TOX: variants seen among roughly 807,000 people sequenced by gnomAD.
TOX encodes the protein thymocyte selection associated high mobility group box.
TOX carries 11 observed loss-of-function variants against 53.7 expected under a neutral mutation model. The observed-to-expected ratio is 0.20, with a 90% CI of 0.13 to 0.34. The LOEUF is 0.34. TOX is among the 10% of genes least tolerant of loss of function. TOX has a pLI of 1.00. For synonymous variants in TOX, 225 were observed against 245.3 expected, an observed-to-expected ratio of 0.92 and a Z score of 0.77; for missense variants, 570 against 664.6, an observed-to-expected ratio of 0.86 and a Z score of 1.56.
At chr8:58,837,454 C>G (rs939565300) in intron 5 of TOX, among the ~76,000 whole-genome samples, 1 of 152,150 alleles carries the variant, frequency 6.6e-6, no homozygotes, top group Non-Finnish European at 1.5e-5. Flanking sequence ...TTAAGACCTT[C>G]TGAGCTATTT....
rs374428814 is a variant in TOX, at chr8:58,807,728, A to G, written c.*19T>C. ...CACTTCCCTGAATTCCTCAGTGGAA[A>G]GAAGAGGTGTTCAGATTCTCAAGTA... is the stretch of plus-strand genomic sequence containing the variant. On this transcript the variant is annotated 3_prime_UTR_variant, in exon 9 of 9. Coordinates refer to ENST00000361421, the MANE Select transcript of TOX (RefSeq NM_014729.3). 16 of 1,613,798 alleles carry G rather than the reference A, an allele frequency of 9.9e-6. No homozygotes were observed. The highest frequency in any genetic ancestry group is 8.8e-5 in the South Asian group (8 of 91,078).
intron 1 of TOX, among the ~76,000 whole-genome samples, chr8:59,026,045 G>A (rs1358650341): frequency 6.6e-6 from 1 of 152,188 alleles, no homozygotes; most frequent in African/African-American, 2.4e-5. Flanking sequence ...GCAAAAAAAT[G>A]AGACCAAGTT....
chr8:59,066,688 G>A (rs1231183793), intron 1 of TOX, among the ~76,000 whole-genome samples: 2 of 152,126 alleles, frequency 1.3e-5, no homozygotes, highest in African/African-American at 4.8e-5. Context: ...TCTGCCCTGT[G>A]TAATATTAAA....
At chr8:59,055,967 A>G (rs1803881827) in intron 1 of TOX, among the ~76,000 whole-genome samples, 2 of 152,176 alleles carry the variant, frequency 1.3e-5, no homozygotes, top group Non-Finnish European at 2.9e-5. Flanking sequence ...ATAAGTCCTA[A>G]AATAACTTTA....
intron 1 of TOX, among the ~76,000 whole-genome samples, chr8:58,966,158 T>C (rs557383394): frequency 6.6e-6 from 1 of 152,076 alleles, no homozygotes; most frequent in South Asian, 2.1e-4. Context: ...GGAAGAGGTG[T>C]CTATTTATCT....
chr8:58,906,507 C>T (rs981571432), intron 3 of TOX, among the ~76,000 whole-genome samples: 13 of 152,170 alleles, frequency 8.5e-5, no homozygotes, highest in Non-Finnish European at 1.5e-4. Context: ...AATGAAAAGA[C>T]GCCTTGCTGA....
chr8:59,083,200 A>G (rs1804441915), intron 1 of TOX, among the ~76,000 whole-genome samples: 1 of 152,262 alleles, frequency 6.6e-6, no homozygotes, highest in Non-Finnish European at 1.5e-5. Flanking sequence ...GGAAGGAGAG[A>G]GTCCAGAAGA....
At chr8:58,841,801 CAAT>C (rs1810648245) in intron 4 of TOX, among the ~76,000 whole-genome samples, 1 of 152,126 alleles carries the variant, frequency 6.6e-6, no homozygotes, top group South Asian at 2.1e-4. Flanking sequence ...AATTATACCT[CAAT>C]AAAGCTGCAA....
intron 4 of TOX, among the ~76,000 whole-genome samples, chr8:58,842,652 C>T (rs928563709): frequency 2.6e-5 from 4 of 152,184 alleles, no homozygotes; most frequent in African/African-American, 9.6e-5. Flanking sequence ...TGATTCCTTG[C>T]CATAACAGGT....
intron 1 of TOX, among the ~76,000 whole-genome samples, chr8:59,090,206 T>G (rs1804586587): frequency 6.6e-6 from 1 of 152,194 alleles, no homozygotes; most frequent in Admixed American, 6.5e-5. Context: ...TAGGAAAACT[T>G]TTCTCAAGGA....
chr8:58,831,379 G>T (rs1258500416), intron 5 of TOX, among the ~76,000 whole-genome samples: 1 of 152,110 alleles, frequency 6.6e-6, no homozygotes, highest in African/African-American at 2.4e-5. Flanking sequence ...AAATCAAAAA[G>T]TCATTAAAAA....
chr8:59,018,376 T>C lies in TOX; in HGVS notation c.103-58368A>G, dbSNP rs558409476. Among the ~76,000 whole-genome samples, 19 of 152,314 alleles carry C rather than the reference T, an allele frequency of 1.2e-4. No individual in the cohort carries two copies. In the South Asian group the frequency reaches 3.5e-3, roughly 28 times the overall value. ...CCCTTTTGTCCCCTACCTTTTGCCC[T>C]GGCAGTTGGGCTTAGCAACACAGAG... On this transcript the variant is annotated intron_variant, in intron 1 of 8. Coordinates refer to ENST00000361421, the MANE Select transcript of TOX (RefSeq NM_014729.3).
At chr8:59,108,032 G>C (rs1051153357) in intron 1 of TOX, among the ~76,000 whole-genome samples, 2 of 152,158 alleles carry the variant, frequency 1.3e-5, no homozygotes, top group African/African-American at 4.8e-5. Flanking sequence ...ATTGGCAGCA[G>C]TTCAAATTCA....
At chr8:59,097,583 C>T (rs1429662832) in intron 1 of TOX, among the ~76,000 whole-genome samples, 1 of 152,138 alleles carries the variant, frequency 6.6e-6, no homozygotes, top group Non-Finnish European at 1.5e-5. Flanking sequence ...ACCTAGGATC[C>T]TTTCTCATCT....
At chr8:58,962,696 C>G (rs1003910745) in intron 1 of TOX, among the ~76,000 whole-genome samples, 1 of 152,164 alleles carries the variant, frequency 6.6e-6, no homozygotes, top group South Asian at 2.1e-4. Context: ...GTCCCAGCTA[C>G]TTGGGAGGCT....
chr8:58,863,461 C>T (rs974659926), intron 3 of TOX, among the ~76,000 whole-genome samples: 3 of 152,172 alleles, frequency 2.0e-5, no homozygotes, highest in African/African-American at 4.8e-5. Flanking sequence ...GTCGCCACTG[C>T]CATGGTACTC....
chr8:59,066,163 A>T (rs1804089814), intron 1 of TOX, among the ~76,000 whole-genome samples: 1 of 152,248 alleles, frequency 6.6e-6, no homozygotes, highest in Non-Finnish European at 1.5e-5. Flanking sequence ...GTGAACAGTA[A>T]AAAGCATTAA....
intron 3 of TOX, among the ~76,000 whole-genome samples, chr8:58,891,790 C>T (rs1019639020): frequency 1.3e-5 from 2 of 152,206 alleles, no homozygotes; most frequent in African/African-American, 4.8e-5. Flanking sequence ...TCTGCTTTCT[C>T]ATGTGAGATT....
At chr8:58,915,449 C>T (rs1383979115) in intron 3 of TOX, among the ~76,000 whole-genome samples, 6 of 106,296 alleles carry the variant, frequency 5.6e-5, no homozygotes, top group Admixed American at 2.0e-4. Flanking sequence ...CACACTGACA[C>T]CTCACACGGC....
Sources: gnomAD v4.1 joint callset for allele counts (sites outside exome capture counted in the v4.1 genomes callset) on GRCh38, gnomAD v4.1.1 for gene constraint, MANE v1.5 for transcripts, NCBI Gene and HGNC (gene_info 2026-07-23, HGNC 2026-07-21) for gene names.